The following NEK8 variants were observed in gnomAD, a reference collection of about 807,000 sequenced individuals.
NEK8 encodes NIMA related kinase 8.
Under a neutral mutation model 77.2 loss-of-function variants are expected in NEK8, and 51 were observed. That is an observed-to-expected ratio of 0.66 (90% CI 0.53 to 0.83). The LOEUF (loss-of-function observed/expected upper bound fraction) is 0.83, where lower values mean the gene tolerates loss of function less well. Ranked by LOEUF, NEK8 falls within the 40% of genes least tolerant of loss-of-function variation. The pLI, the probability that NEK8 is intolerant of heterozygous loss-of-function variation, is 0.00. For synonymous variants in NEK8, 365 were observed against 363.2 expected (o/e 1.00, Z -0.06); for missense variants, 787 against 909.2 (o/e 0.87, Z 1.73).
At position 28,738,227 on chromosome 17, in the gene NEK8, T is replaced by G. The variant is rs1469214574; in HGVS notation, c.1204T>G (p.Phe402Val). The change falls in exon 8 of 15, where the codon TTC becomes GTC. Residue 402 changes from phenylalanine to valine, a missense_variant. Coordinates refer to ENST00000268766, the MANE Select transcript of NEK8 (RefSeq NM_178170.3). ...CAAGCACGTGGCCTGTGGGGACTTC[T>G]TCACTGCCTGCCTGACTGGTGAGTT... ...TIKHVACGDF[F>V]TACLTDRGII... 12 of 1,614,128 alleles carry G rather than the reference T, an allele frequency of 7.4e-6. No homozygotes were observed. Among genetic ancestry groups the G allele is most frequent in the Non-Finnish European group, 1.0e-5 (12 of 1,180,006 alleles).
intron 1 of NEK8, among the ~76,000 whole-genome samples, chr17:28,731,908 A>AT (rs71135844): frequency 0.018 from 946 of 52,520 alleles, 201 homozygotes; most frequent in Non-Finnish European, 0.021. Flanking sequence ...CCTGGCCCCA[A>AT]TTTTTTTTTT....
chr17:28,737,776 C>T lies in NEK8; in HGVS notation c.889+40C>T, dbSNP rs775077100. On this transcript the variant is annotated intron_variant, in intron 6 of 14. Coordinates refer to ENST00000268766, the MANE Select transcript of NEK8 (RefSeq NM_178170.3). This position sits in a 1 kb window ranked among gnomAD's most constrained non-coding sequence, Gnocchi z 4.8. ...GCCGCCAGTCCCCATGGATGCCACACCATTCCCATCAGTTTAATAGTCCCC... is the reference window on the plus strand; with the variant it reads ...GCCGCCAGTCCCCATGGATGCCACATCATTCCCATCAGTTTAATAGTCCCC... The T allele has an allele frequency of 6.2e-7, 1 of 1,614,116 alleles. No homozygotes were observed. The highest frequency in any genetic ancestry group is 1.1e-5 in the South Asian group (1 of 91,086).
intron 3 of NEK8, 96 bp downstream of exon 3, chr17:28,735,100 C>A: frequency 6.5e-7 from 1 of 1,527,758 alleles, no homozygotes; most frequent in Non-Finnish European, 9.0e-7. Context: ...ACCCTTGGCC[C>A]TTTGGCCCCT....
chr17:28,735,501 A>G (rs996411601), intron 4 of NEK8, 130 bp downstream of exon 4: 6 of 1,042,872 alleles, frequency 5.8e-6, no homozygotes, highest in Non-Finnish European at 7.0e-6. Flanking sequence ...ACCCCAGGGG[A>G]GGGCTATGGG....
chr17:28,735,359 TTTC>T lies in NEK8; in HGVS notation c.607_609del (p.Phe203del). 6.2e-7 allele frequency: 1 copy of T among 1,613,850 alleles called. No homozygotes were observed. On this transcript the variant is annotated inframe_deletion, in exon 4 of 15. Transcript: ENST00000268766. ...ACGAGCTGGCCAGCCTCAAGAGGGCTTTCGAGGCTGCGGTGAGTGTATGCACCC... is the reference window on the plus strand; with the variant it reads ...ACGAGCTGGCCAGCCTCAAGAGGGCTGAGGCTGCGGTGAGTGTATGCACCC...
Position 28,734,822 on chromosome 17 carries a change from G to A in NEK8, c.304G>A (p.Glu102Lys). Residue 102 changes from glutamate to lysine, a missense_variant, in exon 3 of 15, where the codon GAG (glutamate) becomes AAG (lysine). This residue lies in a region of NEK8 where 271 missense variants were observed against 365.1 expected (regional missense o/e 0.74). Transcript: ENST00000268766. ...AAAGCGCTGTAATTCCCTGCTGGAG[G>A]AGGAGACCATCCTGCACTTCTTCGT... is the stretch of plus-strand genomic sequence containing the variant. ...IQKRCNSLLE[E>K]ETILHFFVQI... is the part of the protein sequence containing the mutation. 6.2e-7 allele frequency: 1 copy of A among 1,613,894 alleles called. No homozygotes were observed. The highest frequency in any genetic ancestry group is 8.5e-7 in the Non-Finnish European group (1 of 1,180,026).
chr17:28,730,957 G>GGAAA (rs1396953589), intron 1 of NEK8, among the ~76,000 whole-genome samples: 1 of 151,526 alleles, frequency 6.6e-6, no homozygotes, highest in East Asian at 1.9e-4. Context: ...AAGAAAGAAA[G>GGAAA]GAAAGAAAGA....
Position 28,739,120 on chromosome 17 carries a change from G to A in NEK8, c.1336G>A (p.Val446Met). The A allele has an allele frequency of 6.2e-7, 1 of 1,614,132 alleles. No individual in the cohort carries two copies. Among genetic ancestry groups the A allele is most frequent in the South Asian group, 1.1e-5 (1 of 91,078 alleles). The change falls in exon 10 of 15, where the codon GTG (valine) becomes ATG (methionine). Residue 446 changes from valine to methionine, a missense_variant. Physicochemically the swap from Val to Met is conservative, Grantham distance 21 (BLOSUM62 1). This residue lies in a region of NEK8 where 516 missense variants were observed against 544.0 expected (regional missense o/e 0.95). Transcript: ENST00000268766. Reference protein sequence around the residue: ...IVEALLGYEMVQVACGASHVL... With the variant: ...IVEALLGYEMMQVACGASHVL... ...GGAGGCTTTGCTGGGCTATGAAATG[G>A]TGCAGGTGGCCTGTGGGGCCTCTCA...
chr17:28,739,200 C>A lies in NEK8; in HGVS notation c.1416C>A (p.Ser472Arg). ...RELFAWGRGD[S>R]GRLGLGTRES... ...TATTTGCCTGGGGCCGTGGAGACAGCGGTAAGCTCCAGCCTTTAGGCCCCA... is the reference window on the plus strand; with the variant it reads ...TATTTGCCTGGGGCCGTGGAGACAGAGGTAAGCTCCAGCCTTTAGGCCCCA... Residue 472 changes from serine (S) to arginine (R), a missense_variant and splice_region_variant, in exon 10 of 15, where the codon AGC becomes AGA. Physicochemically the swap from Ser to Arg is moderately radical, Grantham distance 110. Transcript: ENST00000268766. 1 of 1,607,730 alleles carries A rather than the reference C, an allele frequency of 6.2e-7. No homozygotes were observed. The highest frequency in any genetic ancestry group is 8.5e-7 in the Non-Finnish European group (1 of 1,174,110).
chr17:28,738,377 A>C, intron 8 of NEK8, 132 bp downstream of exon 8: 1 of 1,154,790 alleles, frequency 8.7e-7, no homozygotes, highest in Admixed American at 2.0e-5. Context: ...CTGTCTAGTA[A>C]CTATTGAGGA....
At chr17:28,734,444 G>C (rs1385843996) in intron 2 of NEK8, 1 of 575,628 alleles carries the variant, frequency 1.7e-6, no homozygotes, top group East Asian at 3.0e-5. Context: ...CCAACGCCGA[G>C]GCGGGCGGAT....
rs2034395404 is a variant in NEK8 at position 28,739,076 on chromosome 17, C to G, written c.1300-8C>G. On this transcript the variant is annotated splice_region_variant and splice_polypyrimidine_tract_variant and intron_variant, in intron 9 of 14. Coordinates refer to ENST00000268766, the MANE Select transcript of NEK8 (RefSeq NM_178170.3). ...GCCCAGTTTCTCCTTGCTTCCTCTC[C>G]TCTCTAGCCCACCATTGTGGAGGCT... 6.2e-7 allele frequency: 1 copy of G among 1,608,712 alleles called. No individual in the cohort carries two copies. The highest frequency in any genetic ancestry group is 1.3e-5 in the African/African-American group (1 of 74,848).
Position 28,734,543 on chromosome 17 carries a change from G to A in NEK8, c.254-229G>A, listed in dbSNP as rs189305164. On this transcript the variant is annotated intron_variant, in intron 2 of 14. Transcript: ENST00000268766. ...ACAAAAAAAAAAAAAAATTAGCCGGGTGTGGTGGCAGGCACCTGTAGTCCC... is the reference window on the plus strand; with the variant it reads ...ACAAAAAAAAAAAAAAATTAGCCGGATGTGGTGGCAGGCACCTGTAGTCCC... 28 of 584,970 alleles carry A rather than the reference G, an allele frequency of 4.8e-5. No homozygotes were observed. In the African/African-American group the frequency reaches 5.2e-4, roughly 11 times the overall value. 36.2% of individuals were successfully genotyped at this position (584,970 alleles called of 1,614,324 possible).
intron 1 of NEK8, 49 bp downstream of exon 1, chr17:28,728,909 A>G: frequency 6.7e-7 from 1 of 1,494,880 alleles, no homozygotes; most frequent in Non-Finnish European, 9.1e-7. Flanking sequence ...AGGGAAAATA[A>G]GCCCCAATTC....
At chr17:28,729,052 C>A (rs2034279851) in intron 1 of NEK8, among the ~76,000 whole-genome samples, 192 bp downstream of exon 1, 2 of 152,254 alleles carry the variant, frequency 1.3e-5, no homozygotes, top group Non-Finnish European at 2.9e-5. Context: ...CTGACAGGCC[C>A]ATTGCTCCGC....
intron 1 of NEK8, among the ~76,000 whole-genome samples, chr17:28,732,285 T>G (rs2034315905): frequency 6.6e-6 from 1 of 151,606 alleles, no homozygotes; most frequent in Non-Finnish European, 1.5e-5. Context: ...GAGACCCATA[T>G]CTATAAAAAA....
rs773763100 is a variant in NEK8, at chr17:28,735,419, G to A, written c.618+48G>A. 7 of 1,590,578 alleles carry A rather than the reference G, an allele frequency of 4.4e-6. No homozygotes were observed. The African/African-American group carries it at 5.4e-5, about 12-fold the overall frequency. On this transcript the variant is annotated intron_variant, in intron 4 of 14. Coordinates refer to ENST00000268766, the MANE Select transcript of NEK8 (RefSeq NM_178170.3). Reference sequence around the variant, plus strand: ...GGACAACTGAGAAATCTACTGCCTCGCCCAGCAGCCCTTGGCTCAAGCCAC... The same window carrying A: ...GGACAACTGAGAAATCTACTGCCTCACCCAGCAGCCCTTGGCTCAAGCCAC...
At chr17:28,735,469 C>T (rs1253982815) in intron 4 of NEK8, 98 bp downstream of exon 4, 3 of 1,347,172 alleles carry the variant, frequency 2.2e-6, no homozygotes, top group Non-Finnish European at 3.1e-6. Flanking sequence ...CTAGCTGAGT[C>T]ATGTCTCTCC....
chr17:28,734,951 A>G lies in NEK8; in HGVS notation c.433A>G (p.Ile145Val). The change falls in exon 3 of 15, where the codon ATC becomes GTC. Residue 145 changes from isoleucine (I) to valine (V), a missense_variant. Physicochemically the swap from Ile to Val is conservative, Grantham distance 29 (BLOSUM62 3). This residue lies in a region of NEK8 where 271 missense variants were observed against 365.1 expected (regional missense o/e 0.74). Transcript: ENST00000268766. The stretch of plus-strand genomic sequence containing the variant: ...TGACAAACACCGCATGGTCGTCAAG[A>G]TCGGTGATTTCGGCATCTCCAAGAT... ...LLDKHRMVVKIGDFGISKILS... is the reference protein window; with the variant it reads ...LLDKHRMVVKVGDFGISKILS... 1.2e-6 allele frequency: 2 copies of G among 1,613,446 alleles called. No homozygotes were observed. The highest frequency in any genetic ancestry group is 2.2e-5 in the East Asian group (1 of 44,856).
Sources: gnomAD v4.1 joint callset for allele counts (sites outside exome capture counted in the v4.1 genomes callset) on GRCh38, gnomAD v4.1.1 for gene constraint, gnomAD v4.1.1 regional missense constraint, Gnocchi (gnomAD v3.1) non-coding constraint, MANE v1.5 for transcripts, NCBI Gene and HGNC (gene_info 2026-07-23, HGNC 2026-07-21) for gene names.